The following TAFA1 variants were observed in gnomAD, a reference collection of about 807,000 sequenced individuals.
TAFA1 encodes the protein chemokine-like protein TAFA-1.
Under a neutral mutation model 18.5 loss-of-function variants are expected in TAFA1, and 4 were observed. The ratio of observed to expected loss-of-function variants is 0.22; its 90% CI spans 0.11 to 0.49. The LOEUF is 0.49. Among genes scored for constraint, TAFA1 ranks in the 20% least tolerant of loss-of-function variants. The pLI is 0.98. For missense variants in TAFA1, 147 were observed against 169.0 expected, an observed-to-expected ratio of 0.87 and a Z score of 0.72; for synonymous variants, 56 against 55.2, an observed-to-expected ratio of 1.01 and a Z score of -0.06.
chr3:68,265,266 T>G (rs1283598853), intron 2 of TAFA1, among the ~76,000 whole-genome samples: 1 of 152,184 alleles, frequency 6.6e-6, no homozygotes, highest in East Asian at 1.9e-4. Context: ...TTCATTTTCT[T>G]TGTCTTCCTT....
chr3:68,462,924 T>G (rs1305189245), intron 3 of TAFA1, among the ~76,000 whole-genome samples: 2 of 152,212 alleles, frequency 1.3e-5, no homozygotes, highest in East Asian at 3.9e-4. Flanking sequence ...TACCATTTAG[T>G]GAATTCCAAA....
At chr3:68,391,332 T>C (rs1455213878) in intron 2 of TAFA1, among the ~76,000 whole-genome samples, 1 of 152,036 alleles carries the variant, frequency 6.6e-6, no homozygotes, top group East Asian at 1.9e-4. Flanking sequence ...TGAAAAGGAA[T>C]GAACAAAGCC....
At chr3:68,278,628 T>A (rs79711940) in intron 2 of TAFA1, among the ~76,000 whole-genome samples, 2,614 of 152,218 alleles carry the variant, frequency 0.017, 85 homozygotes, top group East Asian at 0.13. Context: ...GTAGATAGTA[T>A]TACTTGATCA....
rs143344455 is a variant in TAFA1 at position 68,375,653 on chromosome 3, GTCTGCTTTTTCAT to G, written c.119-41623_119-41611del. On this transcript the variant is annotated intron_variant, in intron 2 of 4. Coordinates refer to ENST00000478136, the MANE Select transcript of TAFA1 (RefSeq NM_213609.4). ...TTCAATTCATTAAAACAGATGTGAA[GTCTGCTTTTTCAT>G]TCTTAACATCCTTATTTAACAGTAA... 1.1e-3 allele frequency among the ~76,000 whole-genome samples: 166 copies of G among 152,224 alleles called. 4 individuals carry two copies. In the East Asian group the frequency reaches 0.029, roughly 27 times the overall value.
intron 3 of TAFA1, among the ~76,000 whole-genome samples, chr3:68,419,848 A>G (rs1250262621): frequency 6.6e-6 from 1 of 152,196 alleles, no homozygotes; most frequent in Non-Finnish European, 1.5e-5. Flanking sequence ...CGGTGAACCA[A>G]TTAAAGGAAA....
At chr3:68,472,452 G>A (rs956410764) in intron 3 of TAFA1, among the ~76,000 whole-genome samples, 2 of 151,524 alleles carry the variant, frequency 1.3e-5, no homozygotes, top group African/African-American at 4.9e-5. Context: ...GACTAATACA[G>A]GTGGTATACA....
At chr3:68,494,818 A>G (rs555816493) in intron 3 of TAFA1, among the ~76,000 whole-genome samples, 2 of 152,210 alleles carry the variant, frequency 1.3e-5, no homozygotes, top group South Asian at 2.1e-4. Flanking sequence ...ATAAGATTAG[A>G]TAAAACATAC....
At chr3:68,463,748 G>GT (rs1020934582) in intron 3 of TAFA1, among the ~76,000 whole-genome samples, 15 of 151,826 alleles carry the variant, frequency 9.9e-5, no homozygotes, top group South Asian at 4.2e-4. Context: ...ACAGTTTTTT[G>GT]TTTTTTTTAT....
At chr3:68,218,265 G>A (rs1199027961) in intron 2 of TAFA1, among the ~76,000 whole-genome samples, 1 of 152,046 alleles carries the variant, frequency 6.6e-6, no homozygotes, top group East Asian at 1.9e-4. Context: ...CTGGCAAACA[G>A]CTTTAAGAAA....
chr3:68,360,781 C>T (rs992740182), intron 2 of TAFA1, among the ~76,000 whole-genome samples: 1 of 151,978 alleles, frequency 6.6e-6, no homozygotes, highest in Non-Finnish European at 1.5e-5. Flanking sequence ...AACAAAATCA[C>T]TGTACTATAC....
At chr3:68,348,687 T>G (rs982255365) in intron 2 of TAFA1, among the ~76,000 whole-genome samples, 3 of 152,108 alleles carry the variant, frequency 2.0e-5, no homozygotes, top group Non-Finnish European at 4.4e-5. Flanking sequence ...CTTGCTACAG[T>G]TCTGTAATAT....
At chr3:68,035,769 G>A (rs1705034003) in intron 2 of TAFA1, among the ~76,000 whole-genome samples, 1 of 152,216 alleles carries the variant, frequency 6.6e-6, no homozygotes, top group African/African-American at 2.4e-5. Context: ...AGGAACTGAA[G>A]ACACTCCAAA....
At chr3:68,386,436 A>G (rs2070106162) in intron 2 of TAFA1, among the ~76,000 whole-genome samples, 1 of 152,054 alleles carries the variant, frequency 6.6e-6, no homozygotes, top group South Asian at 2.1e-4. Flanking sequence ...TATCCTATGT[A>G]GATAGCATGG....
chr3:68,147,552 C>G (rs746007815), intron 2 of TAFA1, among the ~76,000 whole-genome samples: 23 of 152,090 alleles, frequency 1.5e-4, no homozygotes, highest in Admixed American at 2.0e-4. Flanking sequence ...CTAGTGGCCC[C>G]ACCTGATTGA....
chr3:68,487,180 T>C (rs1423688516), intron 3 of TAFA1, among the ~76,000 whole-genome samples: 2 of 152,176 alleles, frequency 1.3e-5, no homozygotes, highest in Non-Finnish European at 2.9e-5. Flanking sequence ...ATCCAAAATA[T>C]TATAATGTCA....
chr3:68,257,200 C>A (rs1575716426), intron 2 of TAFA1, among the ~76,000 whole-genome samples: 1 of 152,080 alleles, frequency 6.6e-6, no homozygotes, highest in African/African-American at 2.4e-5. Context: ...CCTGCTCATC[C>A]CTTAGATCTC....
At chr3:68,307,827 T>C (rs1186764989) in intron 2 of TAFA1, among the ~76,000 whole-genome samples, 6 of 152,132 alleles carry the variant, frequency 3.9e-5, no homozygotes. Context: ...GAAGGTGAGC[T>C]GAGGTCAGGA....
upstream of TAFA1, chr3:68,004,180 A>G (rs1384094086): frequency 2.0e-5 from 3 of 152,220 alleles, no homozygotes; most frequent in African/African-American, 7.2e-5. Context: ...AATTCACTGT[A>G]GCTGTAATAG....
chr3:68,143,824 ACCT>A (rs1370351908), intron 2 of TAFA1, among the ~76,000 whole-genome samples: 11 of 151,926 alleles, frequency 7.2e-5, no homozygotes, highest in African/African-American at 2.7e-4. Flanking sequence ...GCACTAAATG[ACCT>A]CCTAAGATCC....
Sources: gnomAD v4.1 joint callset for allele counts (sites outside exome capture counted in the v4.1 genomes callset) on GRCh38, gnomAD v4.1.1 for gene constraint, MANE v1.5 for transcripts, NCBI Gene and HGNC (gene_info 2026-07-23, HGNC 2026-07-21) for gene names.